The following UBR3 variants were observed in gnomAD, a reference collection of about 807,000 sequenced individuals.
UBR3 encodes the protein ubiquitin protein ligase E3 component n-recognin 3, also known as E3 ubiquitin-protein ligase UBR3.
UBR3 carries 85 observed loss-of-function variants against 243.2 expected under a neutral mutation model. That is an observed-to-expected ratio of 0.35 (90% CI 0.29 to 0.42). The LOEUF (loss-of-function observed/expected upper bound fraction) is 0.42, where lower values mean the gene tolerates loss of function less well. UBR3 is among the 10% of genes least tolerant of loss of function. UBR3 has a pLI of 1.00. For missense variants in UBR3, 1,686 were observed against 2,300.8 expected (o/e 0.73, Z 5.47); for synonymous variants, 748 against 799.8 (o/e 0.94, Z 1.09).
intron 5 of UBR3, among the ~76,000 whole-genome samples, chr2:169,890,525 G>GGAGAGAGAGA (rs781214598): frequency 6.9e-4 from 47 of 67,858 alleles, no homozygotes; most frequent in African/African-American, 2.9e-3. Context: ...GGTTTTTCTA[G>GGAGAGAGAGA]GAGAGAGAGA....
At chr2:169,957,420 G>C (rs888012354) in intron 23 of UBR3, among the ~76,000 whole-genome samples, 1 of 152,132 alleles carries the variant, frequency 6.6e-6, no homozygotes, top group Non-Finnish European at 1.5e-5. Flanking sequence ...TAGGGACATG[G>C]ATGAAGCTGG....
At chr2:169,905,949 G>A (rs2084995229) in intron 9 of UBR3, 82 bp from the exon 10 acceptor site, 1 of 1,445,412 alleles carries the variant, frequency 6.9e-7, no homozygotes, top group African/African-American at 1.4e-5. Context: ...AAATGTGTTT[G>A]GGACTGGGAA....
chr2:169,996,610 GTA>G (rs1285275273), intron 26 of UBR3, among the ~76,000 whole-genome samples: 3 of 150,708 alleles, frequency 2.0e-5, no homozygotes, highest in Non-Finnish European at 2.9e-5. Context: ...AGCAGTCTCT[GTA>G]TGTGTGTGTG....
intron 31 of UBR3, among the ~76,000 whole-genome samples, chr2:170,039,302 A>AT (rs1199084956): frequency 6.6e-6 from 1 of 152,130 alleles, no homozygotes; most frequent in Non-Finnish European, 1.5e-5. Flanking sequence ...TGTCCACTAA[A>AT]TTTTGTAATT....
chr2:169,842,910 CT>C (rs2082347367), intron 1 of UBR3, among the ~76,000 whole-genome samples: 1 of 152,248 alleles, frequency 6.6e-6, no homozygotes, highest in African/African-American at 2.4e-5. Flanking sequence ...AAAGAATGGT[CT>C]TTCCTCCAGT....
chr2:170,077,123 T>G (rs1412084040), intron 36 of UBR3: 1 of 452,930 alleles, frequency 2.2e-6, no homozygotes, highest in Non-Finnish European at 4.3e-6. Flanking sequence ...ATCTCTTGAT[T>G]GCAGACATGT....
chr2:170,050,289 CA>C (rs2091187443), intron 32 of UBR3, among the ~76,000 whole-genome samples: 1 of 152,060 alleles, frequency 6.6e-6, no homozygotes, highest in Non-Finnish European at 1.5e-5. Context: ...TTAGTAACTC[CA>C]AATCATAAAA....
chr2:169,865,140 G>A (rs2083216131), intron 1 of UBR3, among the ~76,000 whole-genome samples: 1 of 151,886 alleles, frequency 6.6e-6, no homozygotes, highest in Non-Finnish European at 1.5e-5. Context: ...GTTTCAGCAA[G>A]TCTTTTTCTA....
intron 31 of UBR3, among the ~76,000 whole-genome samples, chr2:170,035,889 A>G (rs2090813220): frequency 9.5e-6 from 1 of 104,864 alleles, no homozygotes; most frequent in Non-Finnish European, 1.9e-5. Context: ...TTTTTGCTAG[A>G]TTTATACCTA....
At chr2:170,002,834 T>C (rs2089762268) in intron 27 of UBR3, among the ~76,000 whole-genome samples, 1 of 152,180 alleles carries the variant, frequency 6.6e-6, no homozygotes, top group Non-Finnish European at 1.5e-5. Flanking sequence ...CTCTTTCTCC[T>C]TCAGTGTAAC....
chr2:170,021,505 C>A (rs1029327994), intron 30 of UBR3, among the ~76,000 whole-genome samples: 1 of 152,046 alleles, frequency 6.6e-6, no homozygotes, highest in African/African-American at 2.4e-5. Flanking sequence ...GAGCACTAAT[C>A]CCATTCATGA....
At chr2:169,851,299 A>G (rs1205922282) in intron 1 of UBR3, among the ~76,000 whole-genome samples, 1 of 151,952 alleles carries the variant, frequency 6.6e-6, no homozygotes, top group Non-Finnish European at 1.5e-5. Flanking sequence ...TAATTTTTGT[A>G]TTTTTTGTAT....
At chr2:170,023,312 T>C (rs1460070851) in intron 30 of UBR3, among the ~76,000 whole-genome samples, 2 of 152,194 alleles carry the variant, frequency 1.3e-5, no homozygotes, top group Non-Finnish European at 2.9e-5. Flanking sequence ...CATTGATGAC[T>C]AGACTGATAA....
chr2:169,895,198 G>A lies in UBR3; in HGVS notation c.1123G>A (p.Val375Ile), dbSNP rs1333547697. 6.5e-7 allele frequency: 1 copy of A among 1,527,286 alleles called. No individual in the cohort carries two copies. Among genetic ancestry groups the A allele is most frequent in the South Asian group, 1.3e-5 (1 of 79,808 alleles). 94.6% of individuals were successfully genotyped at this position (1,527,286 alleles called of 1,614,324 possible). Reference sequence around the variant, plus strand: ...ATGTGCAGATCAATCCATAATGGATGTTTTGAAGCATAAAAGCTTCCTAGA... The same window carrying A: ...ATGTGCAGATCAATCCATAATGGATATTTTGAAGCATAAAAGCTTCCTAGA... ...SGTKDQSIMD[V>I]LKHKSFLEEL... The change falls in exon 7 of 39, where the codon GTT becomes ATT. Residue 375 changes from valine (V) to isoleucine (I), a missense_variant. This residue lies in a region of UBR3 where 200 missense variants were observed against 231.6 expected (regional missense o/e 0.86). Transcript: ENST00000272793.
At chr2:169,898,341 T>C (rs540988538) in intron 8 of UBR3, among the ~76,000 whole-genome samples, 84 of 152,372 alleles carry the variant, frequency 5.5e-4, no homozygotes, top group Non-Finnish European at 8.8e-4. Context: ...TAATGCGTTA[T>C]ATATAATAGC....
chr2:169,914,010 AAT>A lies in UBR3; in HGVS notation c.1780-45_1780-44del, dbSNP rs570025725. On this transcript the variant is annotated intron_variant, in intron 10 of 38. Transcript: ENST00000272793. ...TAATTACATATAATTTAATGTTGAA[AAT>A]ATATGTTTATATATCATAAATTTAT... 244 of 866,216 alleles carry A rather than the reference AAT, an allele frequency of 2.8e-4. 2 individuals carry two copies. The East Asian group carries it at 7.6e-3, about 27-fold the overall frequency. The allele number at this position is 866,216 out of a possible 1,614,324, so 53.7% of individuals were successfully genotyped here. A position where few individuals can be genotyped will look rare whatever the true frequency, so the allele number is the denominator to read the frequency against.
chr2:170,014,107 T>C (rs955178332), intron 29 of UBR3: 2 of 275,632 alleles, frequency 7.3e-6, no homozygotes, highest in African/African-American at 4.5e-5. Context: ...AATTGCTTTT[T>C]CTCCCACCCT....
intron 1 of UBR3, among the ~76,000 whole-genome samples, chr2:169,868,752 A>C (rs2083337567): frequency 6.6e-6 from 1 of 152,250 alleles, no homozygotes; most frequent in African/African-American, 2.4e-5. Flanking sequence ...AATCAACTGT[A>C]ATGAACTAGT....
At chr2:169,860,099 C>A (rs2083038048) in intron 1 of UBR3, among the ~76,000 whole-genome samples, 1 of 152,148 alleles carries the variant, frequency 6.6e-6, no homozygotes, top group African/African-American at 2.4e-5. Flanking sequence ...CCTGTCCTTT[C>A]TCTTCTTGAA....
Sources: allele counts gnomAD v4.1 joint callset (sites outside exome capture counted in the v4.1 genomes callset), GRCh38; gene constraint gnomAD v4.1.1; regional missense constraint gnomAD v4.1.1; transcripts MANE v1.5; gene names NCBI Gene and HGNC (gene_info 2026-07-23, HGNC 2026-07-21).